Variants in ZC2HC1B observed in about 807,000 individuals in gnomAD.
ZC2HC1B encodes the protein zinc finger C2HC domain-containing protein 1B.
In ZC2HC1B, 36 loss-of-function variants were observed where a neutral mutation model predicts 31.0. The observed-to-expected ratio is 1.16, with a 90% confidence interval of 0.89 to 1.54. ZC2HC1B has a LOEUF of 1.54. Ranked by LOEUF, ZC2HC1B falls within the 40% of genes most tolerant of loss-of-function variation. ZC2HC1B has a pLI of 0.00. For synonymous variants in ZC2HC1B, 73 were observed against 88.0 expected (o/e 0.83, Z 0.95); for missense variants, 260 against 268.6 (o/e 0.97, Z 0.22).
At position 143,871,816 on chromosome 6, in the gene ZC2HC1B, G is replaced by A. The variant is rs1486211490; in HGVS notation, c.28+7249G>A. Among the ~76,000 whole-genome samples, 1 of 152,184 alleles carries A rather than the reference G, an allele frequency of 6.6e-6. No homozygotes were observed. Among genetic ancestry groups the A allele is most frequent in the African/African-American group, 2.4e-5 (1 of 41,450 alleles). ...ACCCGACCAATCAGGGAGCCAATGT[G>A]GGGGTTCTGCCAGCTGCTAAGTATG... On this transcript the variant is annotated intron_variant, in intron 1 of 7. Transcript: ENST00000237275. This position sits in a 1 kb window ranked among gnomAD's most constrained non-coding sequence, Gnocchi z 4.1.
At chr6:143,873,185 A>G (rs1777364652) in intron 1 of ZC2HC1B, among the ~76,000 whole-genome samples, 1 of 152,238 alleles carries the variant, frequency 6.6e-6, no homozygotes, top group African/African-American at 2.4e-5. Context: ...GCCCATGCAA[A>G]TGTGAAATCC....
chr6:143,916,497 T>C (rs559436655), intron 6 of ZC2HC1B, among the ~76,000 whole-genome samples: 22 of 152,224 alleles, frequency 1.4e-4, no homozygotes, highest in African/African-American at 4.6e-4. Context: ...GACCCCACAA[T>C]GGTAGATCCA....
rs9484834 is a variant in ZC2HC1B at position 143,933,156 on chromosome 6, C to T, written c.599-4493C>T. Among the ~76,000 whole-genome samples, 77,560 of 151,998 alleles carry T rather than the reference C, an allele frequency of 0.51. 20,468 individuals are homozygous for T. Among genetic ancestry groups the T allele is most frequent in the African/African-American group, 0.65 (26,906 of 41,440 alleles). The stretch of plus-strand genomic sequence containing the variant: ...AGCGAAGTTGTCATGTGGACAGACT[C>T]GGGACCACTGGTTAGCCAGGATGTT... On this transcript the variant is annotated intron_variant, in intron 6 of 7. Transcript: ENST00000237275. This position sits in a 1 kb window ranked among gnomAD's most constrained non-coding sequence, Gnocchi z 6.4.
rs1204047445 is a variant in ZC2HC1B at position 143,884,042 on chromosome 6, A to G, written c.29-262A>G. 6.6e-6 allele frequency among the ~76,000 whole-genome samples: 1 copy of G among 152,220 alleles called. No individual in the cohort carries two copies. Among genetic ancestry groups the G allele is most frequent in the Non-Finnish European group, 1.5e-5 (1 of 68,042 alleles). On this transcript the variant is annotated intron_variant, in intron 1 of 7. Coordinates refer to ENST00000237275, the MANE Select transcript of ZC2HC1B (RefSeq NM_001013623.3). The surrounding 1 kb of genome is among the most constrained non-coding windows in gnomAD (Gnocchi z 5.1). ...CAGGCACTTCATGTAAGAATATATT[A>G]AATATTAAATCAAATAATTATACTC...
At chr6:143,926,833 T>TC (rs1293766458) in intron 6 of ZC2HC1B, among the ~76,000 whole-genome samples, 3 of 136,260 alleles carry the variant, frequency 2.2e-5, no homozygotes, top group Non-Finnish European at 4.8e-5. Flanking sequence ...ATCTTCTTTT[T>TC]TTTTTTTTTT....
At chr6:143,926,683 G>A (rs1178309888) in intron 6 of ZC2HC1B, among the ~76,000 whole-genome samples, 1 of 151,822 alleles carries the variant, frequency 6.6e-6, no homozygotes, top group African/African-American at 2.4e-5. Flanking sequence ...CTGTCTTGAC[G>A]ATCTGTCTAA....
At chr6:143,925,923 G>A (rs1778034909) in intron 6 of ZC2HC1B, among the ~76,000 whole-genome samples, 1 of 152,126 alleles carries the variant, frequency 6.6e-6, no homozygotes, top group South Asian at 2.1e-4. Flanking sequence ...TTCTTTATAA[G>A]TCTCTGATGA....
Position 143,934,683 on chromosome 6 carries a change from C to A in ZC2HC1B, c.599-2966C>A, listed in dbSNP as rs11966767. 1.3e-5 allele frequency among the ~76,000 whole-genome samples: 2 copies of A among 152,140 alleles called. No homozygotes were observed. Among genetic ancestry groups the A allele is most frequent in the African/African-American group, 2.4e-5 (1 of 41,402 alleles). On this transcript the variant is annotated intron_variant, in intron 6 of 7. Transcript: ENST00000237275. The surrounding 1 kb of genome is among the most constrained non-coding windows in gnomAD (Gnocchi z 4.6). ...TTGATACTGGAGCATACAGTAATTG[C>A]GTGTCCATGATTTTTTGGCTGTAAT...
chr6:143,865,098 C>T lies in ZC2HC1B; in HGVS notation c.28+531C>T, dbSNP rs2128492618. Among the ~76,000 whole-genome samples the T allele has an allele frequency of 6.6e-6, 1 of 152,272 alleles. No individual in the cohort carries two copies. The highest frequency in any genetic ancestry group is 2.1e-4 in the South Asian group (1 of 4,824). ...TTGATGAAGCATATTGTGATTTAGG[C>T]AGGTTATACTCCAAACTTAAATATT... On this transcript the variant is annotated intron_variant, in intron 1 of 7. Transcript: ENST00000237275. The surrounding 1 kb of genome is among the most constrained non-coding windows in gnomAD (Gnocchi z 4.4).
At chr6:143,875,794 G>C (rs1777400777) in intron 1 of ZC2HC1B, among the ~76,000 whole-genome samples, 1 of 150,502 alleles carries the variant, frequency 6.6e-6, no homozygotes. Flanking sequence ...CTGTCTCAGG[G>C]GAGGCCATCA....
At position 143,905,357 on chromosome 6, in the gene ZC2HC1B, A is replaced by T. The variant is rs1367237251; in HGVS notation, c.598+2205A>T. Reference sequence around the variant, plus strand: ...GTAGTTGTCTTCATAATTTTTTTTGATTGTTCATTGTCAGTATATAGAAAC... The same window carrying T: ...GTAGTTGTCTTCATAATTTTTTTTGTTTGTTCATTGTCAGTATATAGAAAC... On this transcript the variant is annotated intron_variant, in intron 6 of 7. Transcript: ENST00000237275. This position sits in a 1 kb window ranked among gnomAD's most constrained non-coding sequence, Gnocchi z 4.2. 6.6e-6 allele frequency among the ~76,000 whole-genome samples: 1 copy of T among 151,622 alleles called. No homozygotes were observed. Among genetic ancestry groups the T allele is most frequent in the Non-Finnish European group, 1.5e-5 (1 of 67,894 alleles).
At position 143,921,558 on chromosome 6, in the gene ZC2HC1B, A is replaced by C. The variant is rs183281575; in HGVS notation, c.599-16091A>C. Among the ~76,000 whole-genome samples the C allele has an allele frequency of 6.6e-6, 1 of 152,216 alleles. No homozygotes were observed. Among genetic ancestry groups the C allele is most frequent in the Non-Finnish European group, 1.5e-5 (1 of 68,036 alleles). On this transcript the variant is annotated intron_variant, in intron 6 of 7. Transcript: ENST00000237275. The surrounding 1 kb of genome is among the most constrained non-coding windows in gnomAD (Gnocchi z 6.1). ...AGAATTATCATGTTAATTAGCTTTA[A>C]GAGATAGCTTTGTTTTATTTCAAGC...
At position 143,869,689 on chromosome 6, in the gene ZC2HC1B, A is replaced by G. The variant is rs1444284832; in HGVS notation, c.28+5122A>G. On this transcript the variant is annotated intron_variant, in intron 1 of 7. Transcript: ENST00000237275. The surrounding 1 kb of genome is among the most constrained non-coding windows in gnomAD (Gnocchi z 5.2). ...GGTTCAATGTAATCAACCTGCCAGCAGGTAGCTGGCTGATCACCCTGAGAA... is the reference window on the plus strand; with the variant it reads ...GGTTCAATGTAATCAACCTGCCAGCGGGTAGCTGGCTGATCACCCTGAGAA... 1.3e-5 allele frequency among the ~76,000 whole-genome samples: 2 copies of G among 152,236 alleles called. No individual in the cohort carries two copies. Among genetic ancestry groups the G allele is most frequent in the Admixed American group, 1.3e-4 (2 of 15,280 alleles).
Position 143,895,393 on chromosome 6 carries a change from C to G in ZC2HC1B, c.350-3159C>G, listed in dbSNP as rs1460714990. On this transcript the variant is annotated intron_variant, in intron 4 of 7. Transcript: ENST00000237275. The surrounding 1 kb of genome is among the most constrained non-coding windows in gnomAD (Gnocchi z 4.8). ...GGTCAGGCTGATCTTGAACTCCTGACCTCAGGTAATGCACATGCCTCGGCC... is the reference window on the plus strand; with the variant it reads ...GGTCAGGCTGATCTTGAACTCCTGAGCTCAGGTAATGCACATGCCTCGGCC... Among the ~76,000 whole-genome samples the G allele has an allele frequency of 1.3e-5, 2 of 152,110 alleles. No individual in the cohort carries two copies. Among genetic ancestry groups the G allele is most frequent in the African/African-American group, 4.8e-5 (2 of 41,390 alleles).
Position 143,903,092 on chromosome 6 carries a change from G to A in ZC2HC1B, c.538G>A (p.Val180Met). 6.4e-7 allele frequency: 1 copy of A among 1,552,010 alleles called. No homozygotes were observed. The highest frequency in any genetic ancestry group is 1.2e-5 in the South Asian group (1 of 84,068). ...PKKEPTVTSA[V>M]GALLQNRVLV... The stretch of plus-strand genomic sequence containing the variant: ...AAAAGAACCAACTGTTACCAGTGCT[G>A]TGGGAGCTTTGCTGCAGAACAGGGT... The change falls in exon 6 of 8, where the codon GTG (valine) becomes ATG (methionine). Residue 180 changes from valine to methionine, a missense_variant. By Grantham distance (21) the Val-to-Met change is conservative (BLOSUM62 1). Transcript: ENST00000237275. The surrounding 1 kb of genome is among the most constrained non-coding windows in gnomAD (Gnocchi z 4.3).
intron 6 of ZC2HC1B, among the ~76,000 whole-genome samples, chr6:143,927,112 T>C (rs952005114): frequency 2.6e-5 from 4 of 152,100 alleles, no homozygotes; most frequent in Non-Finnish European, 4.4e-5. Flanking sequence ...TTGTATCTTC[T>C]TACCGAACGA....
In ZC2HC1B at chr6:143,881,972, A is replaced by T. The variant is rs866935180; in HGVS notation, c.29-2332A>T. Among the ~76,000 whole-genome samples, 9 of 152,152 alleles carry T rather than the reference A, an allele frequency of 5.9e-5. No individual in the cohort carries two copies. In the South Asian group the frequency reaches 6.2e-4, roughly 11 times the overall value. ...AGGGACTTCTAGTTGTTTTCAGGTGAGTACTAACATCTCTCTAGTTGTAGT... is the reference window on the plus strand; with the variant it reads ...AGGGACTTCTAGTTGTTTTCAGGTGTGTACTAACATCTCTCTAGTTGTAGT... On this transcript the variant is annotated intron_variant, in intron 1 of 7. Transcript: ENST00000237275.
rs1167880392 is a variant in ZC2HC1B, at chr6:143,921,440, GA to G, written c.599-16208del. On this transcript the variant is annotated intron_variant, in intron 6 of 7. Coordinates refer to ENST00000237275, the MANE Select transcript of ZC2HC1B (RefSeq NM_001013623.3). The surrounding 1 kb of genome is among the most constrained non-coding windows in gnomAD (Gnocchi z 6.1). Reference sequence around the variant, plus strand: ...TTTTAGAGTTGTTTGTGGCACACAAGAGGGACTCAGTAAATACTTGTTGAAT... The same window carrying G: ...TTTTAGAGTTGTTTGTGGCACACAAGGGGACTCAGTAAATACTTGTTGAAT... Among the ~76,000 whole-genome samples the G allele has an allele frequency of 6.6e-6, 1 of 152,202 alleles. No homozygotes were observed. Among genetic ancestry groups the G allele is most frequent in the African/African-American group, 2.4e-5 (1 of 41,440 alleles).
Position 143,886,911 on chromosome 6 carries a change from C to T in ZC2HC1B, c.349+90C>T. ...CTATGCACTCTGAAATTGACAATAA[C>T]AATTACATAGAAGTAATTTTATTAA... On this transcript the variant is annotated intron_variant, in intron 4 of 7. Coordinates refer to ENST00000237275, the MANE Select transcript of ZC2HC1B (RefSeq NM_001013623.3). This position sits in a 1 kb window ranked among gnomAD's most constrained non-coding sequence, Gnocchi z 4.2. 1 of 1,161,162 alleles carries T rather than the reference C, an allele frequency of 8.6e-7. No homozygotes were observed. The highest frequency in any genetic ancestry group is 1.1e-6 in the Non-Finnish European group (1 of 885,600). 71.9% of individuals were successfully genotyped at this position (1,161,162 alleles called of 1,614,324 possible).
Sources: gnomAD v4.1 joint callset for allele counts (sites outside exome capture counted in the v4.1 genomes callset) on GRCh38, gnomAD v4.1.1 for gene constraint, Gnocchi (gnomAD v3.1) non-coding constraint, MANE v1.5 for transcripts, NCBI Gene and HGNC (gene_info 2026-07-23, HGNC 2026-07-21) for gene names.